SLC3A2: variants seen among roughly 807,000 people sequenced by gnomAD.
SLC3A2 encodes the protein solute carrier family 3 member 2.
In SLC3A2, 32 loss-of-function variants were observed where a neutral mutation model predicts 48.5. The ratio of observed to expected loss-of-function variants is 0.66; its 90% confidence interval spans 0.50 to 0.89. SLC3A2 has a LOEUF of 0.89. SLC3A2 is among the 40% of genes least tolerant of loss of function. The probability of loss-of-function intolerance (pLI) is 0.00; values close to 1 mark genes in which losing one functional copy is unlikely to be tolerated. For missense variants in SLC3A2, 587 were observed against 680.7 expected, an observed-to-expected ratio of 0.86 and a Z score of 1.53; for synonymous variants, 277 against 288.8, an observed-to-expected ratio of 0.96 and a Z score of 0.41.
chr11:62,857,771 CA>C (rs1214125428), intron 1 of SLC3A2, among the ~76,000 whole-genome samples: 1 of 140,698 alleles, frequency 7.1e-6, no homozygotes, highest in Non-Finnish European at 1.5e-5. Context: ...AGTAGACAGA[CA>C]AGGCTGGGGA....
intron 1 of SLC3A2, among the ~76,000 whole-genome samples, chr11:62,874,852 C>T (rs752477275): frequency 5.3e-5 from 8 of 151,690 alleles, no homozygotes; most frequent in Non-Finnish European, 8.8e-5. Flanking sequence ...CTGCAACCTC[C>T]GCCTCCCAGG....
At chr11:62,873,403 C>G (rs941175979) in intron 1 of SLC3A2, among the ~76,000 whole-genome samples, 2 of 151,620 alleles carry the variant, frequency 1.3e-5, no homozygotes. Flanking sequence ...GCAGGAGAAT[C>G]ACTTGAACCT....
intron 1 of SLC3A2, among the ~76,000 whole-genome samples, chr11:62,861,352 C>A (rs1382245558): frequency 6.6e-6 from 1 of 152,062 alleles, no homozygotes; most frequent in East Asian, 1.9e-4. Context: ...GTCACTGTAA[C>A]CTCAAACTCC....
chr11:62,858,500 T>A (rs1035734354), intron 1 of SLC3A2, among the ~76,000 whole-genome samples: 1 of 152,174 alleles, frequency 6.6e-6, no homozygotes, highest in Non-Finnish European at 1.5e-5. Context: ...GCGGATCACC[T>A]GAGGTCAGGA....
At position 62,882,035 on chromosome 11, in the gene SLC3A2, T is replaced by C; in HGVS notation, c.567T>C (p.Phe189=). Reference sequence around the variant, plus strand: ...CCAATTTTGGCTCCAAGGAAGATTTTGACAGTCTCTTGCAATCGGCTAAAA... The same window carrying C: ...CCAATTTTGGCTCCAAGGAAGATTTCGACAGTCTCTTGCAATCGGCTAAAA... ...IDPNFGSKED[F]DSLLQSAKKK... The change falls in exon 2 of 9, where the codon TTT becomes TTC. Residue 189 remains phenylalanine, a synonymous_variant. Coordinates refer to ENST00000338663, the MANE Select transcript of SLC3A2 (RefSeq NM_001013251.3). The C allele has an allele frequency of 1.2e-6, 2 of 1,614,236 alleles. No individual in the cohort carries two copies. Among genetic ancestry groups the C allele is most frequent in the Non-Finnish European group, 1.7e-6 (2 of 1,180,042 alleles).
intron 3 of SLC3A2, 127 bp downstream of exon 3, chr11:62,883,126 A>AGGC: frequency 1.3e-6 from 1 of 779,162 alleles, no homozygotes; most frequent in Non-Finnish European, 2.2e-6. Flanking sequence ...ACCAAGGAGG[A>AGGC]ATGCCTCCTC....
intron 7 of SLC3A2, among the ~76,000 whole-genome samples, chr11:62,887,632 G>C (rs2085731459): frequency 6.6e-6 from 1 of 151,288 alleles, no homozygotes; most frequent in South Asian, 2.1e-4. Flanking sequence ...GAACCCAGGA[G>C]GCAGAGATTG....
Position 62,871,944 on chromosome 11 carries a change from G to T in SLC3A2, c.113-9075G>T, listed in dbSNP as rs139098651. 4.2e-3 allele frequency among the ~76,000 whole-genome samples: 634 copies of T among 151,956 alleles called. 5 individuals carry two copies. The highest frequency in any genetic ancestry group is 0.015 in the African/African-American group (614 of 41,436). Reference sequence around the variant, plus strand: ...TTATTATTTTTTGAGATGGAATCTTGCTCTGTCGCCCAGGCTGGAGTGCGG... The same window carrying T: ...TTATTATTTTTTGAGATGGAATCTTTCTCTGTCGCCCAGGCTGGAGTGCGG... On this transcript the variant is annotated intron_variant, in intron 1 of 9. Transcript: ENST00000377889.
intron 1 of SLC3A2, among the ~76,000 whole-genome samples, chr11:62,868,301 G>A (rs997766798): frequency 6.6e-6 from 1 of 151,420 alleles, no homozygotes; most frequent in African/African-American, 2.4e-5. Flanking sequence ...GTGTACATGT[G>A]TGAGAGTTTC....
In SLC3A2 at chr11:62,881,990, T is replaced by C; in HGVS notation, c.522T>C (p.Thr174=). Residue 174 remains threonine (T), a synonymous_variant, in exon 2 of 9, where the codon ACT becomes ACC. Coordinates refer to ENST00000338663, the MANE Select transcript of SLC3A2 (RefSeq NM_001013251.3). The surrounding 1 kb of genome is among the most constrained non-coding windows in gnomAD (Gnocchi z 4.0). ...HKNQKDDVAQ[T]DLLQIDPNFG... is the part of the protein sequence containing the mutation. ...ACCAGAAGGATGATGTCGCTCAGAC[T>C]GACTTGCTGCAGATCGACCCCAATT... 6.2e-7 allele frequency: 1 copy of C among 1,614,244 alleles called. No homozygotes were observed. Among genetic ancestry groups the C allele is most frequent in the Non-Finnish European group, 8.5e-7 (1 of 1,180,048 alleles).
chr11:62,867,235 G>A (rs1434359123), intron 1 of SLC3A2, among the ~76,000 whole-genome samples: 16 of 151,212 alleles, frequency 1.1e-4, no homozygotes, highest in African/African-American at 2.9e-4. Context: ...CAGGTGTTGC[G>A]CCCACCTCGG....
At chr11:62,860,906 A>G (rs1280185618) in intron 1 of SLC3A2, among the ~76,000 whole-genome samples, 2 of 152,048 alleles carry the variant, frequency 1.3e-5, no homozygotes, top group Non-Finnish European at 2.9e-5. Flanking sequence ...AATCCATTAA[A>G]CCTTGAGTCA....
At chr11:62,872,946 T>G (rs2085532421) in intron 1 of SLC3A2, among the ~76,000 whole-genome samples, 1 of 152,202 alleles carries the variant, frequency 6.6e-6, no homozygotes, top group Non-Finnish European at 1.5e-5. Context: ...TCAAATTCAA[T>G]TTTCTGTTAC....
At chr11:62,878,705 C>T (rs1044201202), upstream of SLC3A2, among the ~76,000 whole-genome samples, 1 of 150,344 alleles carries the variant, frequency 6.7e-6, no homozygotes, top group African/African-American at 2.5e-5. Context: ...TCTCGGTCTC[C>T]TGACCTCTTG....
intron 3 of SLC3A2, chr11:62,883,235 C>G (rs938364247): frequency 8.2e-6 from 4 of 486,150 alleles, no homozygotes; most frequent in African/African-American, 7.7e-5. Flanking sequence ...TGAGACAGTG[C>G]CAGGAAGGGA....
At chr11:62,869,870 C>T (rs545063296) in intron 1 of SLC3A2, among the ~76,000 whole-genome samples, 37 of 150,996 alleles carry the variant, frequency 2.5e-4, no homozygotes, top group African/African-American at 8.8e-4. Flanking sequence ...GCAACCTCTG[C>T]CTCCCGGGTT....
At chr11:62,866,397 C>T (rs2085453070) in intron 1 of SLC3A2, among the ~76,000 whole-genome samples, 1 of 150,538 alleles carries the variant, frequency 6.6e-6, no homozygotes, top group Non-Finnish European at 1.5e-5. Context: ...AGTTTCTTTG[C>T]TTTTTTTTGG....
At chr11:62,876,734 T>A (rs2085574462), upstream of SLC3A2, 1 of 219,708 alleles carries the variant, frequency 4.6e-6, no homozygotes, top group Admixed American at 5.4e-5. Flanking sequence ...CCTGAGTAGC[T>A]GAAATTACAG....
upstream of SLC3A2, among the ~76,000 whole-genome samples, chr11:62,878,051 G>T (rs1021902670): frequency 1.4e-4 from 21 of 151,974 alleles, no homozygotes; most frequent in African/African-American, 5.1e-4. Context: ...CTCAACTACT[G>T]GGGAGGCTCA....
Sources: allele counts gnomAD v4.1 joint callset (sites outside exome capture counted in the v4.1 genomes callset), GRCh38; gene constraint gnomAD v4.1.1; non-coding constraint Gnocchi (gnomAD v3.1); transcripts MANE v1.5; gene names NCBI Gene and HGNC (gene_info 2026-07-23, HGNC 2026-07-21).